ABCB11: variants seen among roughly 807,000 people sequenced by gnomAD.
The protein encoded by ABCB11 is bile salt export pump.
In ABCB11, 95 loss-of-function variants were observed where a neutral mutation model predicts 148.0. The observed-to-expected ratio is 0.64, with a 90% CI of 0.54 to 0.76. The LOEUF (loss-of-function observed/expected upper bound fraction) is 0.76. Among genes scored for constraint, ABCB11 ranks in the 30% least tolerant of loss-of-function variants. The pLI, the probability that ABCB11 is intolerant of heterozygous loss-of-function variation, is 0.00. For missense variants in ABCB11, 1,523 were observed against 1,617.8 expected, an observed-to-expected ratio of 0.94 and a Z score of 1.01; for synonymous variants, 591 against 555.4, an observed-to-expected ratio of 1.06 and a Z score of -0.90.
intron 19 of ABCB11, among the ~76,000 whole-genome samples, chr2:168,955,368 C>T (rs977820476): frequency 2.0e-5 from 3 of 151,644 alleles, no homozygotes; most frequent in African/African-American, 4.8e-5. Context: ...CTGAGGAGAT[C>T]TCAAAAAACT....
chr2:169,025,210 G>A (rs1008671997), intron 1 of ABCB11, among the ~76,000 whole-genome samples: 17 of 152,032 alleles, frequency 1.1e-4, no homozygotes, highest in East Asian at 5.8e-4. Flanking sequence ...CAAATACCTC[G>A]TAGTATTTAG....
At chr2:169,005,628 C>T (rs1384339138) in intron 5 of ABCB11, among the ~76,000 whole-genome samples, 1 of 152,080 alleles carries the variant, frequency 6.6e-6, no homozygotes, top group African/African-American at 2.4e-5. Context: ...GACCACAAGC[C>T]TCCCCATTGA....
intron 25 of ABCB11, among the ~76,000 whole-genome samples, chr2:168,928,990 T>G (rs945451132): frequency 2.6e-5 from 4 of 152,198 alleles, no homozygotes; most frequent in Admixed American, 2.0e-4. Context: ...AAATCTTTAG[T>G]TGCCTTTTTC....
chr2:168,956,769 T>G (rs558211880), intron 19 of ABCB11, among the ~76,000 whole-genome samples: 1 of 151,642 alleles, frequency 6.6e-6, no homozygotes, highest in African/African-American at 2.4e-5. Flanking sequence ...GTTTCCCTTT[T>G]GGAGTAACAT....
chr2:169,014,259 T>C, intron 4 of ABCB11, 44 bp downstream of exon 4: 1 of 1,582,244 alleles, frequency 6.3e-7, no homozygotes, highest in South Asian at 1.1e-5. Flanking sequence ...CTAAACAATT[T>C]ATAGCTGCAC....
intron 10 of ABCB11, among the ~76,000 whole-genome samples, chr2:168,983,226 AG>A (rs1694194852): frequency 6.6e-6 from 1 of 152,194 alleles, no homozygotes; most frequent in Non-Finnish European, 1.5e-5. Context: ...ATGGAACAAA[AG>A]GAAAAATAAG....
chr2:169,000,842 TA>T (rs1418743547), intron 5 of ABCB11, among the ~76,000 whole-genome samples: 1 of 152,192 alleles, frequency 6.6e-6, no homozygotes, highest in Non-Finnish European at 1.5e-5. Flanking sequence ...TATTAGGGCT[TA>T]AATATGTCAT....
chr2:168,948,593 T>C lies in ABCB11; in HGVS notation c.2344-3632A>G, dbSNP rs370283695. On this transcript the variant is annotated intron_variant, in intron 19 of 27. Transcript: ENST00000650372. ...ATGCATTCCCCAGTCCACAGCACCA[T>C]GTCTGGGGAAGACAATCAATACAGA... is the stretch of plus-strand genomic sequence containing the variant. Among the ~76,000 whole-genome samples, 15 of 151,554 alleles carry C rather than the reference T, an allele frequency of 9.9e-5. 1 individual carries two copies. The highest frequency in any genetic ancestry group is 2.0e-4 in the Admixed American group (3 of 15,182).
downstream of ABCB11, among the ~76,000 whole-genome samples, chr2:168,920,255 T>C (rs1449316584): frequency 6.6e-6 from 1 of 152,232 alleles, no homozygotes; most frequent in Non-Finnish European, 1.5e-5. Flanking sequence ...TTCTAAAATT[T>C]CATACTGTGC....
intron 5 of ABCB11, among the ~76,000 whole-genome samples, chr2:168,999,938 T>C (rs1183676665): frequency 6.6e-6 from 1 of 152,138 alleles, no homozygotes; most frequent in Non-Finnish European, 1.5e-5. Flanking sequence ...TTGAATGGCA[T>C]GAGTGATGGT....
chr2:168,975,379 T>A (rs1337973020), intron 12 of ABCB11, among the ~76,000 whole-genome samples: 21 of 59,028 alleles, frequency 3.6e-4, no homozygotes, highest in Admixed American at 9.3e-4. Context: ...ATATAAATAT[T>A]TTTATATTTA....
intron 3 of ABCB11, 141 bp downstream of exon 3, chr2:169,016,637 A>G (rs1695364418): frequency 2.8e-6 from 2 of 719,804 alleles, no homozygotes; most frequent in South Asian, 3.9e-5. Flanking sequence ...GTAATATTTT[A>G]AAGAGAAAAA....
chr2:168,957,292 A>C (rs1007466276), intron 19 of ABCB11, among the ~76,000 whole-genome samples: 1 of 151,744 alleles, frequency 6.6e-6, no homozygotes, highest in Non-Finnish European at 1.5e-5. Flanking sequence ...AATAACAAGA[A>C]TACCTACCTT....
chr2:168,998,012 C>G (rs928032042), intron 5 of ABCB11, among the ~76,000 whole-genome samples: 13 of 152,010 alleles, frequency 8.6e-5, no homozygotes, highest in African/African-American at 3.1e-4. Context: ...CTCTTGTGCT[C>G]ACCACATTCC....
At chr2:168,973,694 G>T in intron 13 of ABCB11, 21 bp downstream of exon 13, 7 of 1,610,442 alleles carry the variant, frequency 4.3e-6, no homozygotes, top group Non-Finnish European at 5.9e-6. Context: ...ATGTATTGAG[G>T]AGTTTCTGGA....
chr2:169,015,864 A>T (rs1255152587), intron 3 of ABCB11, among the ~76,000 whole-genome samples: 1 of 152,148 alleles, frequency 6.6e-6, no homozygotes, highest in Non-Finnish European at 1.5e-5. Context: ...TACCCGCAGC[A>T]CCTACAATAG....
intron 5 of ABCB11, among the ~76,000 whole-genome samples, chr2:169,006,426 CTAATGCCA>C (rs1190688630): frequency 1.3e-5 from 2 of 152,094 alleles, no homozygotes; most frequent in African/African-American, 4.8e-5. Context: ...AAAGTCATAG[CTAATGCCA>C]TACTTAATGG....
At chr2:168,973,934 G>C (rs1400344222) in intron 12 of ABCB11, 94 bp from the exon 13 acceptor site, 2 of 1,421,648 alleles carry the variant, frequency 1.4e-6, no homozygotes, top group African/African-American at 1.4e-5. Flanking sequence ...GTTGATACTC[G>C]GTGTCTGTGT....
At chr2:168,928,535 A>G (rs935871064) in intron 25 of ABCB11, among the ~76,000 whole-genome samples, 7 of 152,220 alleles carry the variant, frequency 4.6e-5, no homozygotes, top group African/African-American at 1.4e-4. Flanking sequence ...CGATGTTGTA[A>G]CAAAATATAC....
Sources: gnomAD v4.1 joint callset for allele counts (sites outside exome capture counted in the v4.1 genomes callset) on GRCh38, gnomAD v4.1.1 for gene constraint, MANE v1.5 for transcripts, NCBI Gene and HGNC (gene_info 2026-07-23, HGNC 2026-07-21) for gene names.